RANBP2: variants seen among roughly 807,000 people sequenced by gnomAD.
RANBP2 encodes the protein RAN binding protein 2, also known as E3 SUMO-protein ligase RanBP2.
Under a neutral mutation model 303.6 loss-of-function variants are expected in RANBP2, and 57 were observed. That is an observed-to-expected ratio of 0.19 (90% CI 0.15 to 0.23). The LOEUF is 0.23. RANBP2 is among the 10% of genes least tolerant of loss of function. The pLI, the probability that RANBP2 is intolerant of heterozygous loss-of-function variation, is 1.00. For synonymous variants in RANBP2, 1,167 were observed against 1,301.5 expected (o/e 0.90, Z 2.23); for missense variants, 3,138 against 3,780.8 (o/e 0.83, Z 4.46).
chr2:109,613,718 G>A, the RANBP2 span: 3 of 958,746 alleles, frequency 3.1e-6, no homozygotes, highest in Non-Finnish European at 4.0e-6. Flanking sequence ...GCCGGACCAG[G>A]GGGCCGGTGG....
the RANBP2 span, among the ~76,000 whole-genome samples, chr2:108,987,606 C>T: frequency 6.6e-6 from 1 of 152,210 alleles, no homozygotes; most frequent in Non-Finnish European, 1.5e-5. Flanking sequence ...ACTTTTTCCT[C>T]CCAAAGACTG....
chr2:109,340,156 T>C, the RANBP2 span, among the ~76,000 whole-genome samples: 1 of 152,168 alleles, frequency 6.6e-6, no homozygotes, highest in Non-Finnish European at 1.5e-5. Flanking sequence ...TAGCTGGCAG[T>C]GCACAGGTTG....
the RANBP2 span, among the ~76,000 whole-genome samples, chr2:109,690,985 C>T: frequency 1.0e-3 from 153 of 152,258 alleles, 1 homozygote; most frequent in African/African-American, 3.3e-3. Flanking sequence ...CAGGGACAGC[C>T]AGTTCTGCAG....
the RANBP2 span, among the ~76,000 whole-genome samples, chr2:109,625,939 G>C: frequency 6.6e-6 from 1 of 152,184 alleles, no homozygotes. Flanking sequence ...AACTGAACTA[G>C]ATCTGTGGTG....
chr2:109,218,863 A>G, the RANBP2 span, among the ~76,000 whole-genome samples: 1 of 152,226 alleles, frequency 6.6e-6, no homozygotes, highest in African/African-American at 2.4e-5. Context: ...ACAAACCCAC[A>G]ATCAATGCAA....
At chr2:109,726,691 A>G in the RANBP2 span, among the ~76,000 whole-genome samples, 1 of 152,106 alleles carries the variant, frequency 6.6e-6, no homozygotes, top group East Asian at 1.9e-4. Context: ...ACATTTTCCC[A>G]AAGTCCTGTG....
chr2:109,553,590 C>T, the RANBP2 span, among the ~76,000 whole-genome samples: 13 of 149,682 alleles, frequency 8.7e-5, no homozygotes, highest in South Asian at 2.1e-4. Context: ...TGGTGGCTCA[C>T]GCCTGTAATC....
At chr2:109,676,340 C>T in the RANBP2 span, among the ~76,000 whole-genome samples, 1 of 152,238 alleles carries the variant, frequency 6.6e-6, no homozygotes, top group Non-Finnish European at 1.5e-5. Flanking sequence ...CGGAAGTGCT[C>T]TCAGGCCCTC....
chr2:109,422,710 G>A, the RANBP2 span, among the ~76,000 whole-genome samples: 1 of 152,212 alleles, frequency 6.6e-6, no homozygotes, highest in South Asian at 2.1e-4. Context: ...CCTGGGCACA[G>A]CCAACCCACC....
the RANBP2 span, among the ~76,000 whole-genome samples, chr2:109,032,011 G>A: frequency 6.6e-6 from 1 of 150,526 alleles, no homozygotes; most frequent in Admixed American, 6.7e-5. Context: ...GGAGCTGTAA[G>A]TTCTTGGTGT....
At chr2:109,078,100 A>ATATATATATATATATATATAGCG in the RANBP2 span, among the ~76,000 whole-genome samples, 1 of 70,006 alleles carries the variant, frequency 1.4e-5, no homozygotes, top group African/African-American at 5.0e-5. Context: ...ATATATATAT[A>ATATATATATATATATATATAGCG]TATATATATA....
chr2:108,760,165 C>T (rs1676626046), intron 18 of RANBP2, among the ~76,000 whole-genome samples: 1 of 152,064 alleles, frequency 6.6e-6, no homozygotes, highest in African/African-American at 2.4e-5. Context: ...GATTAATGAG[C>T]TCATAGGAGA....
chr2:108,725,641 T>G (rs960411140), intron 1 of RANBP2, among the ~76,000 whole-genome samples: 7 of 151,724 alleles, frequency 4.6e-5, no homozygotes, highest in Non-Finnish European at 1.0e-4. Context: ...GCGCCTGTAG[T>G]CCCAGCTTGT....
chr2:108,824,171 T>G, the RANBP2 span, among the ~76,000 whole-genome samples: 1 of 7,138 alleles, frequency 1.4e-4, no homozygotes, highest in Non-Finnish European at 4.7e-4. Context: ...GAAAAAAAAA[T>G]TTTTTCTTCA....
At chr2:109,243,792 A>G in the RANBP2 span, among the ~76,000 whole-genome samples, 1 of 152,170 alleles carries the variant, frequency 6.6e-6, no homozygotes, top group African/African-American at 2.4e-5. Flanking sequence ...AGTTTGGGAC[A>G]TGTTCTCTGT....
chr2:109,650,972 G>A, the RANBP2 span, among the ~76,000 whole-genome samples: 1 of 152,170 alleles, frequency 6.6e-6, no homozygotes, highest in Non-Finnish European at 1.5e-5. Context: ...GTCCCCAGTG[G>A]TGCAGGGCAG....
chr2:109,487,359 G>A, the RANBP2 span, among the ~76,000 whole-genome samples: 12 of 152,208 alleles, frequency 7.9e-5, 1 homozygote, highest in South Asian at 2.1e-4. Context: ...TGCCTAGACC[G>A]TCTACCTCCA....
chr2:109,492,339 G>T, the RANBP2 span, among the ~76,000 whole-genome samples: 1 of 152,228 alleles, frequency 6.6e-6, no homozygotes, highest in African/African-American at 2.4e-5. Flanking sequence ...AGCCTATGGG[G>T]CTAGGCCTGG....
the RANBP2 span, among the ~76,000 whole-genome samples, chr2:109,295,504 C>G: frequency 6.6e-6 from 1 of 152,224 alleles, no homozygotes; most frequent in African/African-American, 2.4e-5. Context: ...GGGCTGGACC[C>G]TAACAGCTTT....
Sources: allele counts gnomAD v4.1 joint callset (sites outside exome capture counted in the v4.1 genomes callset), GRCh38; gene constraint gnomAD v4.1.1; transcripts MANE v1.5; gene names NCBI Gene and HGNC (gene_info 2026-07-23, HGNC 2026-07-21).